Variants in SHISA6 observed in about 807,000 individuals in gnomAD.
SHISA6 encodes the protein protein shisa-6.
Under a neutral mutation model 47.9 loss-of-function variants are expected in SHISA6, and 22 were observed. The ratio of observed to expected loss-of-function variants is 0.46; its 90% confidence interval spans 0.33 to 0.66. The LOEUF (loss-of-function observed/expected upper bound fraction) is 0.66. Among genes scored for constraint, SHISA6 ranks in the 30% least tolerant of loss-of-function variants. The pLI is 0.02. For missense variants in SHISA6, 680 were observed against 764.6 expected (o/e 0.89, Z 1.30); for synonymous variants, 388 against 337.8 (o/e 1.15, Z -1.63).
chr17:11,363,539 A>G (rs1264491390), intron 2 of SHISA6, among the ~76,000 whole-genome samples: 1 of 152,178 alleles, frequency 6.6e-6, no homozygotes, highest in Non-Finnish European at 1.5e-5. Context: ...TATAAACCTA[A>G]TTGAGTGCAA....
chr17:11,288,094 A>G (rs1486889510), intron 2 of SHISA6: 1 of 152,202 alleles, frequency 6.6e-6, no homozygotes. Context: ...ACTTCATTTC[A>G]TCTGTGACAT....
intron 3 of SHISA6, among the ~76,000 whole-genome samples, chr17:11,451,287 C>T (rs1490448237): frequency 6.6e-6 from 1 of 152,174 alleles, no homozygotes; most frequent in East Asian, 1.9e-4. Context: ...AAAACTTCAC[C>T]ACATCCAACT....
At chr17:11,250,458 A>G (rs551006059) in intron 1 of SHISA6, among the ~76,000 whole-genome samples, 1 of 152,344 alleles carries the variant, frequency 6.6e-6, no homozygotes, top group African/African-American at 2.4e-5. Flanking sequence ...ATGTCCATTC[A>G]GTGGATGAAT....
chr17:11,438,877 T>C (rs1282239440), intron 3 of SHISA6, among the ~76,000 whole-genome samples: 1 of 152,068 alleles, frequency 6.6e-6, no homozygotes, highest in Non-Finnish European at 1.5e-5. Context: ...CAAGATTGGG[T>C]TCCCCCAAGA....
intron 2 of SHISA6, among the ~76,000 whole-genome samples, chr17:11,351,481 A>T (rs2142221274): frequency 6.6e-6 from 1 of 152,234 alleles, no homozygotes; most frequent in South Asian, 2.1e-4. Flanking sequence ...AATTCTACTC[A>T]TCTTTCAAGT....
intron 3 of SHISA6, among the ~76,000 whole-genome samples, chr17:11,432,337 C>T (rs1193288427): frequency 6.6e-6 from 1 of 152,180 alleles, no homozygotes; most frequent in Non-Finnish European, 1.5e-5. Context: ...ACAGTCAAAA[C>T]GCTCAATTAT....
At chr17:11,291,463 G>A (rs1010109447) in intron 2 of SHISA6, among the ~76,000 whole-genome samples, 2 of 151,768 alleles carry the variant, frequency 1.3e-5, no homozygotes, top group East Asian at 1.9e-4. Context: ...GTGAAACCCC[G>A]TCTCTACTGA....
At chr17:11,270,752 C>T (rs1467080523) in intron 2 of SHISA6, among the ~76,000 whole-genome samples, 2 of 152,158 alleles carry the variant, frequency 1.3e-5, no homozygotes, top group Non-Finnish European at 2.9e-5. Flanking sequence ...GTTTGTCAGC[C>T]CCTCTCTGAA....
At chr17:11,257,682 AAAAG>A (rs1908070675) in intron 1 of SHISA6, among the ~76,000 whole-genome samples, 2 of 150,986 alleles carry the variant, frequency 1.3e-5, no homozygotes, top group Non-Finnish European at 2.9e-5. Context: ...AGAAAAAAAG[AAAAG>A]AAAAGAAAGG....
At chr17:11,434,955 C>T (rs72807162) in intron 3 of SHISA6, among the ~76,000 whole-genome samples, 6,397 of 152,202 alleles carry the variant, frequency 0.042, 178 homozygotes, top group East Asian at 0.14. Flanking sequence ...TGTATCCCCT[C>T]AAAATTCATA....
intron 3 of SHISA6, among the ~76,000 whole-genome samples, chr17:11,462,063 G>A (rs1311043417): frequency 6.6e-6 from 1 of 152,196 alleles, no homozygotes; most frequent in Non-Finnish European, 1.5e-5. Context: ...TTCAGGCAAA[G>A]CCATATAAGA....
At chr17:11,451,624 C>T (rs1030512968) in intron 3 of SHISA6, among the ~76,000 whole-genome samples, 7 of 152,284 alleles carry the variant, frequency 4.6e-5, no homozygotes, top group East Asian at 3.9e-4. Flanking sequence ...TCCACAGAGG[C>T]GACATTGGAG....
At chr17:11,395,151 G>T (rs1913527398) in intron 3 of SHISA6, among the ~76,000 whole-genome samples, 2 of 151,290 alleles carry the variant, frequency 1.3e-5, no homozygotes, top group African/African-American at 4.9e-5. Flanking sequence ...TAAACTCAAG[G>T]ACATTCTTTT....
Position 11,555,818 on chromosome 17 carries a change from T to C in SHISA6, c.1031T>C (p.Leu344Ser). 1 of 1,551,582 alleles carries C rather than the reference T, an allele frequency of 6.4e-7. No individual in the cohort carries two copies. The highest frequency in any genetic ancestry group is 8.7e-7 in the Non-Finnish European group (1 of 1,146,914). Residue 344 changes from leucine to serine, a missense_variant, in exon 5 of 6, where the codon TTG becomes TCG. Leu to Ser is a moderately radical substitution (Grantham distance 145). Around this residue, in one of 2 missense-constraint regions of SHISA6, gnomAD observed 559 missense variants for 674.1 expected, o/e 0.83. Coordinates refer to ENST00000441885, the MANE Select transcript of SHISA6 (RefSeq NM_207386.4). ...DLSFSRSFQN[L>S]AHLPPSYESA... is the part of the protein sequence containing the mutation. The stretch of plus-strand genomic sequence containing the variant: ...TCCTTCTCCCGCTCGTTCCAGAACT[T>C]GGCCCACCTGCCCCCATCCTACGAG...
chr17:11,254,477 A>G (rs1011705241), intron 1 of SHISA6, among the ~76,000 whole-genome samples: 1 of 152,170 alleles, frequency 6.6e-6, no homozygotes, highest in African/African-American at 2.4e-5. Context: ...CCTTGTGAGG[A>G]TGCTGCTTTT....
intron 3 of SHISA6, among the ~76,000 whole-genome samples, chr17:11,450,216 T>C (rs930129396): frequency 2.0e-5 from 3 of 152,046 alleles, no homozygotes; most frequent in Middle Eastern, 3.4e-3. Context: ...ATGAATCAAA[T>C]TGAATTTAGG....
intron 1 of SHISA6, among the ~76,000 whole-genome samples, chr17:11,248,376 C>T (rs1310571805): frequency 1.3e-5 from 2 of 152,168 alleles, no homozygotes; most frequent in Non-Finnish European, 2.9e-5. Flanking sequence ...AACTGAAATT[C>T]AGAGAGGCTA....
chr17:11,547,760 A>G (rs2071895295), intron 3 of SHISA6, among the ~76,000 whole-genome samples: 1 of 152,230 alleles, frequency 6.6e-6, no homozygotes. Flanking sequence ...TATAAGAGGT[A>G]ATTCTGTGAA....
intron 2 of SHISA6, among the ~76,000 whole-genome samples, chr17:11,355,868 G>A (rs1305329221): frequency 6.6e-6 from 1 of 152,186 alleles, no homozygotes; most frequent in Non-Finnish European, 1.5e-5. Flanking sequence ...TCTGCCTAAT[G>A]ATTAAGACAC....
Sources: allele counts gnomAD v4.1 joint callset (sites outside exome capture counted in the v4.1 genomes callset), GRCh38; gene constraint gnomAD v4.1.1; regional missense constraint gnomAD v4.1.1; transcripts MANE v1.5; gene names NCBI Gene and HGNC (gene_info 2026-07-23, HGNC 2026-07-21).